TRIM37: variants seen among roughly 807,000 people sequenced by gnomAD.
The protein encoded by TRIM37 is E3 ubiquitin-protein ligase TRIM37.
A neutral mutation model predicts 129.8 loss-of-function variants in TRIM37; 80 were observed. The observed-to-expected ratio is 0.62, with a 90% CI of 0.51 to 0.74. The LOEUF is 0.74. TRIM37 is among the 30% of genes least tolerant of loss of function. The pLI is 0.00. For synonymous variants in TRIM37, 389 were observed against 387.1 expected, an observed-to-expected ratio of 1.00 and a Z score of -0.06; for missense variants, 1,054 against 1,176.5, an observed-to-expected ratio of 0.90 and a Z score of 1.52.
At chr17:59,094,181 C>A (rs988264060) in intron 2 of TRIM37, among the ~76,000 whole-genome samples, 3 of 151,950 alleles carry the variant, frequency 2.0e-5, no homozygotes, top group African/African-American at 7.3e-5. Flanking sequence ...GGCATACAGG[C>A]ATGAAATTGC....
intron 19 of TRIM37, 92 bp from the exon 20 acceptor site, chr17:59,017,516 C>T (rs2036100484): frequency 1.3e-6 from 2 of 1,553,342 alleles, no homozygotes; most frequent in Non-Finnish European, 1.8e-6. Context: ...TCTTACCTTG[C>T]ATGGAAGCTG....
At chr17:59,085,407 C>G (rs1788944559) in intron 4 of TRIM37, among the ~76,000 whole-genome samples, 1 of 151,934 alleles carries the variant, frequency 6.6e-6, no homozygotes, top group Admixed American at 6.6e-5. Flanking sequence ...ACTTTAAAAA[C>G]TCTAATTTAA....
intron 12 of TRIM37, among the ~76,000 whole-genome samples, chr17:59,059,826 T>G (rs960139337): frequency 1.3e-5 from 2 of 152,202 alleles, no homozygotes. Context: ...ATTTCTGCTA[T>G]CGAGACAAAA....
intron 13 of TRIM37, among the ~76,000 whole-genome samples, chr17:59,056,488 G>T (rs1409137443): frequency 1.3e-5 from 2 of 151,930 alleles, no homozygotes; most frequent in Non-Finnish European, 2.9e-5. Context: ...CCAGCACTTT[G>T]GGAGGCCGAG....
intron 14 of TRIM37, among the ~76,000 whole-genome samples, chr17:59,050,336 C>G (rs1450184776): frequency 6.6e-6 from 1 of 152,194 alleles, no homozygotes; most frequent in Non-Finnish European, 1.5e-5. Context: ...TTTGCAGTAA[C>G]CAATGCAAGC....
intron 11 of TRIM37, 61 bp from the exon 12 acceptor site, chr17:59,061,169 GATA>G: frequency 8.2e-7 from 1 of 1,225,990 alleles, no homozygotes; most frequent in Non-Finnish European, 1.2e-6. Flanking sequence ...ACAAAATGCA[GATA>G]ATATCTGATA....
the TRIM37 span, chr17:58,972,798 G>C: frequency 6.5e-7 from 1 of 1,531,444 alleles, no homozygotes; most frequent in Non-Finnish European, 9.0e-7. Context: ...CCTGAATCCA[G>C]TTATTTGCTT....
chr17:59,030,944 TTTA>T (rs1316359587), intron 18 of TRIM37, among the ~76,000 whole-genome samples: 3 of 152,218 alleles, frequency 2.0e-5, no homozygotes. Context: ...TAAGTAAAAC[TTTA>T]TATAAAGCAT....
intron 17 of TRIM37, among the ~76,000 whole-genome samples, chr17:59,036,208 G>C (rs2038457240): frequency 6.6e-6 from 1 of 152,130 alleles, no homozygotes; most frequent in Non-Finnish European, 1.5e-5. Context: ...AGGAGTTGGA[G>C]ACCAGCCAGG....
chr17:59,067,544 A>G (rs545792478), intron 9 of TRIM37, among the ~76,000 whole-genome samples: 1 of 152,364 alleles, frequency 6.6e-6, no homozygotes, highest in East Asian at 1.9e-4. Flanking sequence ...CTGCTGAGCT[A>G]TATAAAAACT....
downstream of TRIM37, among the ~76,000 whole-genome samples, chr17:58,994,770 C>A (rs1349108068): frequency 1.4e-5 from 2 of 147,472 alleles, no homozygotes; most frequent in Non-Finnish European, 3.0e-5. Context: ...TTTTTTGAGA[C>A]AGAGTTTCGC....
chr17:59,046,765 C>T (rs531870171), intron 16 of TRIM37, among the ~76,000 whole-genome samples: 25 of 149,232 alleles, frequency 1.7e-4, no homozygotes, highest in African/African-American at 5.9e-4. Flanking sequence ...TGGTCTGGAT[C>T]TCCTGACCTC....
chr17:59,068,472 G>A (rs2146694277), intron 9 of TRIM37, among the ~76,000 whole-genome samples: 1 of 152,270 alleles, frequency 6.6e-6, no homozygotes, highest in Non-Finnish European at 1.5e-5. Context: ...GTCAAAATCT[G>A]TTTCATTCCA....
chr17:59,038,521 A>T (rs2038803650), intron 17 of TRIM37, among the ~76,000 whole-genome samples: 1 of 152,174 alleles, frequency 6.6e-6, no homozygotes, highest in South Asian at 2.1e-4. Flanking sequence ...AAGAACAGGG[A>T]TATCTTGTTA....
intron 24 of TRIM37, among the ~76,000 whole-genome samples, chr17:58,990,431 T>C (rs182880901): frequency 7.8e-4 from 117 of 150,542 alleles, no homozygotes; most frequent in Middle Eastern, 7.2e-3. Context: ...ATGGAGGTTG[T>C]AGTGAGCTGA....
At chr17:59,106,365 T>G (rs1171933726) in intron 1 of TRIM37, 76 bp downstream of exon 1, 3 of 1,586,404 alleles carry the variant, frequency 1.9e-6, no homozygotes, top group Admixed American at 3.4e-5. Context: ...AGGGAGGACA[T>G]GGGCACGACT....
intron 2 of TRIM37, among the ~76,000 whole-genome samples, chr17:59,096,484 A>G (rs6503894): frequency 0.65 from 96,622 of 148,492 alleles, 32,031 homozygotes; most frequent in African/African-American, 0.77. Context: ...CCCAGGAGGC[A>G]GAGGTTGCAA....
At position 59,099,167 on chromosome 17, in the gene TRIM37, G is replaced by A. The variant is rs554251148; in HGVS notation, c.123+5126C>T. Among the ~76,000 whole-genome samples, 470 of 152,228 alleles carry A rather than the reference G, an allele frequency of 3.1e-3. 3 individuals are homozygous for A. The highest frequency in any genetic ancestry group is 5.4e-3 in the Non-Finnish European group (366 of 68,010). On this transcript the variant is annotated intron_variant, in intron 2 of 23. Coordinates refer to ENST00000262294, the MANE Select transcript of TRIM37 (RefSeq NM_015294.6). Reference sequence around the variant, plus strand: ...GATTGCACTCCAGCCTGGCGACAGAGCGAGGCTCTGTCTCAAAAAACAAAA... The same window carrying A: ...GATTGCACTCCAGCCTGGCGACAGAACGAGGCTCTGTCTCAAAAAACAAAA...
chr17:59,084,707 G>T (rs1344261863), intron 4 of TRIM37, among the ~76,000 whole-genome samples: 2 of 152,284 alleles, frequency 1.3e-5, no homozygotes, highest in Non-Finnish European at 1.5e-5. Flanking sequence ...CTTTAAGGAG[G>T]TAATTAAGGT....
Sources: gnomAD v4.1 joint callset for allele counts (sites outside exome capture counted in the v4.1 genomes callset) on GRCh38, gnomAD v4.1.1 for gene constraint, MANE v1.5 for transcripts, NCBI Gene and HGNC (gene_info 2026-07-23, HGNC 2026-07-21) for gene names.